The following CNTN5 variants were observed in gnomAD, a reference collection of about 807,000 sequenced individuals.
CNTN5 encodes the protein contactin-5.
Under a neutral mutation model 129.1 loss-of-function variants are expected in CNTN5, and 77 were observed. The ratio of observed to expected loss-of-function variants is 0.60; its 90% CI spans 0.50 to 0.72. The LOEUF (loss-of-function observed/expected upper bound fraction) is 0.72, where lower values mean the gene tolerates loss of function less well. CNTN5 is among the 30% of genes least tolerant of loss of function. The pLI is 0.00. For missense variants in CNTN5, 1,478 were observed against 1,328.8 expected (o/e 1.11, Z -1.75); for synonymous variants, 509 against 465.6 (o/e 1.09, Z -1.20).
intron 18 of CNTN5, among the ~76,000 whole-genome samples, chr11:100,281,035 T>A (rs1950624237): frequency 6.6e-6 from 1 of 152,152 alleles, no homozygotes; most frequent in Non-Finnish European, 1.5e-5. Context: ...TATCTTATTG[T>A]ACTGTCTATG....
chr11:100,002,059 A>G lies in CNTN5; in HGVS notation c.903A>G (p.Lys301=), dbSNP rs751759180. Residue 301 remains lysine, a synonymous_variant, in exon 9 of 25, where the codon AAA becomes AAG. Transcript: ENST00000524871. The part of the protein sequence containing the change: ...NDGVMGEYEP[K]IEVHFPFTVT... ...GTGTGATGGGAGAATATGAGCCGAA[A>G]ATTGAGGTCCATTTTCCTTTCACGG... is the stretch of plus-strand genomic sequence containing the variant. 1.3e-6 allele frequency: 2 copies of G among 1,598,690 alleles called. No individual in the cohort carries two copies. Among genetic ancestry groups the G allele is most frequent in the Admixed American group, 1.8e-5 (1 of 55,698 alleles).
At position 99,253,861 on chromosome 11, in the gene CNTN5, T is replaced by C. The variant is rs183318846; in HGVS notation, c.-209-71485T>C. On this transcript the variant is annotated intron_variant, in intron 1 of 24. Coordinates refer to ENST00000524871, the MANE Select transcript of CNTN5 (RefSeq NM_014361.4). ...TAGTTTATCTATGGATCCTTCCCTG[T>C]TGTCTATATGAAAATGTATTAACAC... Among the ~76,000 whole-genome samples, 965 of 148,534 alleles carry C rather than the reference T, an allele frequency of 6.5e-3. 10 individuals carry two copies. The highest frequency in any genetic ancestry group is 0.022 in the African/African-American group (906 of 40,332).
chr11:100,239,840 C>T (rs181775051), intron 16 of CNTN5, among the ~76,000 whole-genome samples: 12 of 152,238 alleles, frequency 7.9e-5, no homozygotes, highest in African/African-American at 2.6e-4. Context: ...CATTTGTCAG[C>T]ACTCTGATTT....
intron 6 of CNTN5, among the ~76,000 whole-genome samples, chr11:99,872,959 A>G (rs539032472): frequency 6.6e-6 from 1 of 152,286 alleles, no homozygotes; most frequent in African/African-American, 2.4e-5. Flanking sequence ...TGAGACTAAT[A>G]ACATATTTTG....
intron 1 of CNTN5, among the ~76,000 whole-genome samples, chr11:99,148,317 C>T (rs1419254349): frequency 1.3e-5 from 2 of 151,854 alleles, no homozygotes; most frequent in Non-Finnish European, 2.9e-5. Flanking sequence ...TTTTTTACAG[C>T]TTTGATATTG....
intron 3 of CNTN5, among the ~76,000 whole-genome samples, chr11:99,771,189 T>C: frequency 6.6e-6 from 1 of 151,946 alleles, no homozygotes; most frequent in East Asian, 1.9e-4. Flanking sequence ...AAACTGGACT[T>C]TCACATACAG....
intron 18 of CNTN5, among the ~76,000 whole-genome samples, chr11:100,291,532 C>T (rs945787324): frequency 6.7e-6 from 1 of 150,008 alleles, no homozygotes; most frequent in Non-Finnish European, 1.5e-5. Context: ...ACCGCATATT[C>T]TCACTCATAG....
chr11:99,562,145 C>A (rs535266463), intron 3 of CNTN5, among the ~76,000 whole-genome samples: 13 of 152,256 alleles, frequency 8.5e-5, no homozygotes, highest in African/African-American at 2.9e-4. Context: ...ACTAGAGACT[C>A]ATAATCAATA....
At chr11:99,755,924 G>A (rs1944391119) in intron 3 of CNTN5, among the ~76,000 whole-genome samples, 1 of 152,010 alleles carries the variant, frequency 6.6e-6, no homozygotes, top group African/African-American at 2.4e-5. Context: ...ATATTCAATA[G>A]CTTTTGCTTT....
intron 1 of CNTN5, among the ~76,000 whole-genome samples, chr11:99,042,060 C>A (rs1864005085): frequency 6.6e-6 from 1 of 152,026 alleles, no homozygotes; most frequent in African/African-American, 2.4e-5. Flanking sequence ...AAATTTGTGT[C>A]TCTCATTATT....
intron 3 of CNTN5, among the ~76,000 whole-genome samples, chr11:99,570,873 G>A (rs907449245): frequency 9.9e-5 from 15 of 152,208 alleles, no homozygotes; most frequent in African/African-American, 3.1e-4. Context: ...AAGGAAAAAC[G>A]CAATGAACAT....
chr11:99,115,214 G>C (rs1030749857), intron 1 of CNTN5, among the ~76,000 whole-genome samples: 1 of 152,118 alleles, frequency 6.6e-6, no homozygotes, highest in Admixed American at 6.5e-5. Flanking sequence ...ACCGGGGCTA[G>C]GTTCTGGCTT....
chr11:99,281,605 G>A (rs533513249), intron 1 of CNTN5, among the ~76,000 whole-genome samples: 2 of 151,672 alleles, frequency 1.3e-5, no homozygotes, highest in African/African-American at 2.4e-5. Context: ...TGAAACTCAC[G>A]GTCTTTATAA....
intron 3 of CNTN5, among the ~76,000 whole-genome samples, chr11:99,613,009 A>G (rs10893596): frequency 0.19 from 28,818 of 151,990 alleles, 2,905 homozygotes; most frequent in African/African-American, 0.2. Flanking sequence ...AGAGTCACTT[A>G]CACTCCAGGA....
chr11:100,083,859 A>T (rs576392011), intron 13 of CNTN5, among the ~76,000 whole-genome samples: 1 of 152,180 alleles, frequency 6.6e-6, no homozygotes, highest in East Asian at 1.9e-4. Context: ...AAAGTCCTTC[A>T]AATATTTTCT....
intron 3 of CNTN5, among the ~76,000 whole-genome samples, chr11:99,665,676 G>A (rs190145654): frequency 1.8e-3 from 273 of 151,572 alleles, no homozygotes; most frequent in African/African-American, 5.9e-3. Context: ...TAGTAGAGCC[G>A]GGGTTGCACA....
At chr11:99,940,079 G>A (rs1366006244) in intron 7 of CNTN5, among the ~76,000 whole-genome samples, 1 of 152,046 alleles carries the variant, frequency 6.6e-6, no homozygotes, top group Non-Finnish European at 1.5e-5. Context: ...TTTAATAGGA[G>A]CAGGGGGAGG....
intron 18 of CNTN5, among the ~76,000 whole-genome samples, chr11:100,295,107 G>T (rs1951075197): frequency 6.6e-6 from 1 of 151,486 alleles, no homozygotes; most frequent in Non-Finnish European, 1.5e-5. Flanking sequence ...ATACACATAT[G>T]CTATTAAAAC....
intron 3 of CNTN5, among the ~76,000 whole-genome samples, chr11:99,662,754 G>A (rs1952642135): frequency 6.6e-6 from 1 of 152,134 alleles, no homozygotes; most frequent in Non-Finnish European, 1.5e-5. Flanking sequence ...TAGTCCCAGA[G>A]CAGCAACAGC....
Sources: allele counts gnomAD v4.1 joint callset (sites outside exome capture counted in the v4.1 genomes callset), GRCh38; gene constraint gnomAD v4.1.1; transcripts MANE v1.5; gene names NCBI Gene and HGNC (gene_info 2026-07-23, HGNC 2026-07-21).